Variants in NUP58 observed in about 807,000 individuals in gnomAD.
NUP58 encodes the protein nucleoporin p58/p45.
NUP58 carries 17 observed loss-of-function variants against 70.1 expected under a neutral mutation model. The observed-to-expected ratio is 0.24, with a 90% CI of 0.17 to 0.36. The LOEUF (loss-of-function observed/expected upper bound fraction) is 0.36. Among genes scored for constraint, NUP58 ranks in the 10% least tolerant of loss-of-function variants. The pLI is 1.00. For missense variants in NUP58, 644 were observed against 701.5 expected, an observed-to-expected ratio of 0.92 and a Z score of 0.93; for synonymous variants, 275 against 257.6, an observed-to-expected ratio of 1.07 and a Z score of -0.65.
At chr13:25,320,833 A>C in intron 8 of NUP58, 86 bp from the exon 9 acceptor site, 4 of 913,392 alleles carry the variant, frequency 4.4e-6, no homozygotes, top group Non-Finnish European at 6.3e-6. Context: ...ATTTTAAAAC[A>C]CTTGGACTGT....
Position 25,312,942 on chromosome 13 carries a change from G to A in NUP58, c.346G>A (p.Ala116Thr). The A allele has an allele frequency of 6.2e-7, 1 of 1,614,092 alleles. No homozygotes were observed. Among genetic ancestry groups the A allele is most frequent in the African/African-American group, 1.3e-5 (1 of 75,044 alleles). Reference sequence around the variant, plus strand: ...CTTCAGTTTAGGATTCAATAAACCTGCAGCATCTGCCACACCATTTGCTCT... The same window carrying A: ...CTTCAGTTTAGGATTCAATAAACCTACAGCATCTGCCACACCATTTGCTCT... ...TGFSLGFNKP[A>T]ASATPFALPI... Residue 116 changes from alanine (A) to threonine (T), a missense_variant, in exon 4 of 16, where the codon GCA (alanine) becomes ACA (threonine). By Grantham distance (58) the Ala-to-Thr change is moderately conservative. Around this residue, in one of 4 missense-constraint regions of NUP58, gnomAD observed 430 missense variants for 409.2 expected, o/e 1.05. Transcript: ENST00000381736.
chr13:25,319,247 G>A, intron 6 of NUP58, 79 bp from the exon 7 acceptor site: 3 of 1,172,662 alleles, frequency 2.6e-6, no homozygotes, highest in East Asian at 4.7e-5. Flanking sequence ...ACTTTAATTT[G>A]TGTTAATTTA....
At chr13:25,333,546 T>C (rs2031681818) in intron 13 of NUP58, 5 of 985,314 alleles carry the variant, frequency 5.1e-6, no homozygotes, top group Non-Finnish European at 6.0e-6. Flanking sequence ...TTCTTAGAAC[T>C]GAGAAGCTAA....
intron 13 of NUP58, chr13:25,335,671 T>G: frequency 1.0e-6 from 1 of 985,274 alleles, no homozygotes; most frequent in South Asian, 4.7e-5. Context: ...AAAGTCCAGT[T>G]TCTGTCCCAG....
At chr13:25,330,837 G>A (rs2031576168) in intron 12 of NUP58, among the ~76,000 whole-genome samples, 1 of 152,064 alleles carries the variant, frequency 6.6e-6, no homozygotes. Flanking sequence ...TCCAACCACT[G>A]CTGAGGTGCA....
intron 1 of NUP58, chr13:25,303,050 A>G (rs893525441): frequency 8.8e-6 from 4 of 456,352 alleles, no homozygotes; most frequent in African/African-American, 6.0e-5. Context: ...ATTCTTATGA[A>G]AATAATTTTG....
intron 13 of NUP58, chr13:25,334,559 T>A: frequency 3.0e-6 from 3 of 985,290 alleles, no homozygotes; most frequent in Non-Finnish European, 3.6e-6. Context: ...ACATTCCCCA[T>A]TAAATCAGTA....
At chr13:25,330,658 A>G (rs942058227) in intron 12 of NUP58, among the ~76,000 whole-genome samples, 4 of 152,212 alleles carry the variant, frequency 2.6e-5, no homozygotes, top group Admixed American at 6.5e-5. Context: ...CAGATGCTGC[A>G]TTGGGTAAAA....
At chr13:25,325,291 C>T (rs140727297) in intron 10 of NUP58, among the ~76,000 whole-genome samples, 1 of 152,278 alleles carries the variant, frequency 6.6e-6, no homozygotes, top group Non-Finnish European at 1.5e-5. Flanking sequence ...CTTTTCACCA[C>T]TATTACGCAT....
chr13:25,326,641 A>G (rs1409481018), intron 10 of NUP58, among the ~76,000 whole-genome samples: 1 of 152,188 alleles, frequency 6.6e-6, no homozygotes, highest in African/African-American at 2.4e-5. Context: ...GGAAACTAAA[A>G]TTGTTACAAT....
chr13:25,310,728 T>C (rs897833887), intron 3 of NUP58, among the ~76,000 whole-genome samples: 1 of 152,150 alleles, frequency 6.6e-6, no homozygotes, highest in Non-Finnish European at 1.5e-5. Flanking sequence ...CAGGAACTTC[T>C]AGTTGTGATC....
chr13:25,341,862 C>T lies in NUP58; in HGVS notation c.*1728C>T, dbSNP rs1345537076. 6.6e-6 allele frequency: 1 copy of T among 152,478 alleles called. No individual in the cohort carries two copies. The highest frequency in any genetic ancestry group is 1.5e-5 in the Non-Finnish European group (1 of 68,010). The allele number at this position is 152,478 out of a possible 1,614,324, so 9.4% of individuals were successfully genotyped here. ...CAGTGACTATTTTCAAAATCATTTTCATCAAGACACCTTTTTTCTAAAATA... is the reference window on the plus strand; with the variant it reads ...CAGTGACTATTTTCAAAATCATTTTTATCAAGACACCTTTTTTCTAAAATA... On this transcript the variant is annotated 3_prime_UTR_variant, in exon 16 of 16. Coordinates refer to ENST00000381736, the MANE Select transcript of NUP58 (RefSeq NM_014089.4).
At chr13:25,320,663 C>T in intron 8 of NUP58, 68 bp downstream of exon 8, 1 of 1,172,714 alleles carries the variant, frequency 8.5e-7, no homozygotes, top group Non-Finnish European at 1.2e-6. Flanking sequence ...AGGGGAGCAT[C>T]TCTTCCTCCT....
Position 25,327,071 on chromosome 13 carries a change from T to A in NUP58, c.1150+37T>A, listed in dbSNP as rs770479109. 14 of 1,211,096 alleles carry A rather than the reference T, an allele frequency of 1.2e-5. No homozygotes were observed. In the African/African-American group the frequency reaches 2.0e-4, roughly 17 times the overall value. 75.0% of individuals were successfully genotyped at this position (1,211,096 alleles called of 1,614,324 possible). On this transcript the variant is annotated intron_variant, in intron 11 of 15. Transcript: ENST00000381736. ...ACTGTGGTAATTTTTTTTGAACTTT[T>A]GTTTGTAGGAGATAGATGTGGTTAT...
At position 25,312,906 on chromosome 13, in the gene NUP58, G is replaced by A. The variant is rs1250273397; in HGVS notation, c.310G>A (p.Ala104Thr). ...TLGTPATTSAATTGFSLGFNK... is the reference protein window; with the variant it reads ...TLGTPATTSATTTGFSLGFNK... ...AGGAACGCCAGCCACTACATCTGCA[G>A]CTACAACAGGCTTCAGTTTAGGATT... The change falls in exon 4 of 16, where the codon GCT becomes ACT. Residue 104 changes from alanine to threonine, a missense_variant. Physicochemically the swap from Ala to Thr is moderately conservative, Grantham distance 58. Transcript: ENST00000381736. The A allele has an allele frequency of 6.2e-7, 1 of 1,612,848 alleles. No homozygotes were observed. Among genetic ancestry groups the A allele is most frequent in the Non-Finnish European group, 8.5e-7 (1 of 1,179,450 alleles).
chr13:25,315,563 A>C, intron 6 of NUP58, 96 bp downstream of exon 6: 17 of 795,652 alleles, frequency 2.1e-5, no homozygotes. Flanking sequence ...TAGCAGTTAT[A>C]TATTTAGTAG....
intron 12 of NUP58, among the ~76,000 whole-genome samples, chr13:25,328,878 T>G (rs1388026116): frequency 6.6e-6 from 1 of 152,218 alleles, no homozygotes; most frequent in Non-Finnish European, 1.5e-5. Context: ...AGATAAATTA[T>G]CAACTGTGTA....
chr13:25,302,333 TTG>T (rs1390225560), intron 1 of NUP58, among the ~76,000 whole-genome samples: 1 of 152,256 alleles, frequency 6.6e-6, no homozygotes, highest in Non-Finnish European at 1.5e-5. Context: ...TTTAATAACT[TTG>T]TGGTTTTTAA....
rs568513307 is a variant in NUP58 at position 25,320,724 on chromosome 13, CT to C, written c.776+133del. 771 of 776,812 alleles carry C rather than the reference CT, an allele frequency of 9.9e-4. 1 individual carries two copies. The highest frequency in any genetic ancestry group is 9.7e-4 in the Admixed American group (30 of 30,822). The allele number at this position is 776,812 out of a possible 1,614,324, so 48.1% of individuals were successfully genotyped here. On this transcript the variant is annotated intron_variant, in intron 8 of 15. Coordinates refer to ENST00000381736, the MANE Select transcript of NUP58 (RefSeq NM_014089.4). Reference sequence around the variant, plus strand: ...CTTAACTAGGGTTAAAATGTTAGTGCTTTTAGAAATCAGAAAAAAAGCAGAA... The same window carrying C: ...CTTAACTAGGGTTAAAATGTTAGTGCTTTAGAAATCAGAAAAAAAGCAGAA...
Sources: allele counts gnomAD v4.1 joint callset (sites outside exome capture counted in the v4.1 genomes callset), GRCh38; gene constraint gnomAD v4.1.1; regional missense constraint gnomAD v4.1.1; transcripts MANE v1.5; gene names NCBI Gene and HGNC (gene_info 2026-07-23, HGNC 2026-07-21).